The following PSMD13 variants were observed in gnomAD, a reference collection of about 807,000 sequenced individuals.
PSMD13 encodes proteasome 26S subunit, non-ATPase 13.
PSMD13 carries 8 observed loss-of-function variants against 57.4 expected under a neutral mutation model. That is an observed-to-expected ratio of 0.14 (90% confidence interval 0.08 to 0.25). The LOEUF (loss-of-function observed/expected upper bound fraction) is 0.25, where lower values mean the gene tolerates loss of function less well. PSMD13 is among the 10% of genes least tolerant of loss of function. PSMD13 has a pLI of 1.00. For synonymous variants in PSMD13, 193 were observed against 168.2 expected (o/e 1.15, Z -1.14); for missense variants, 400 against 461.5 (o/e 0.87, Z 1.22).
intron 2 of PSMD13, 55 bp downstream of exon 2, chr11:239,131 A>C: frequency 7.0e-7 from 1 of 1,423,598 alleles, no homozygotes; most frequent in Non-Finnish European, 9.9e-7. Context: ...AGGACTTTTG[A>C]AAATAAGATA....
At chr11:243,005 A>C (rs761965405) in intron 2 of PSMD13, 14 of 175,768 alleles carry the variant, frequency 8.0e-5, no homozygotes, top group Admixed American at 2.5e-4. Context: ...CATGTTGACC[A>C]GGATGGTTCC....
intron 1 of PSMD13, among the ~76,000 whole-genome samples, chr11:237,587 C>G (rs926241025): frequency 1.4e-4 from 21 of 152,208 alleles, no homozygotes; most frequent in East Asian, 7.7e-4. Flanking sequence ...GTAACTGTAT[C>G]TACAGTTATC....
intron 10 of PSMD13, 61 bp downstream of exon 10, chr11:250,926 C>G: frequency 7.0e-7 from 1 of 1,435,786 alleles, no homozygotes; most frequent in Non-Finnish European, 9.8e-7. Context: ...GGTGGGGGCG[C>G]TGCACTCTCC....
rs759898934 is a variant in PSMD13, at chr11:247,297, A to G, written c.417A>G (p.Glu139=). ...TATAGGAAACAATTGAAGATGTTGA[A>G]GAAATGCTCAACAACCTTCCTGGTG... is the stretch of plus-strand genomic sequence containing the variant. ...QVTKETIEDV[E]EMLNNLPGVT... is the part of the protein sequence containing the mutation. The change falls in exon 7 of 13, where the codon GAA becomes GAG. Residue 139 remains glutamate (E), a synonymous_variant. Coordinates refer to ENST00000532097, the MANE Select transcript of PSMD13 (RefSeq NM_002817.4). The G allele has an allele frequency of 6.2e-7, 1 of 1,612,810 alleles. No individual in the cohort carries two copies. Among genetic ancestry groups the G allele is most frequent in the Non-Finnish European group, 8.5e-7 (1 of 1,179,520 alleles).
intron 2 of PSMD13, chr11:243,621 A>T: frequency 2.7e-6 from 1 of 372,244 alleles, no homozygotes. Flanking sequence ...TAGGCTGGGG[A>T]CCACACGGCA....
Position 252,445 on chromosome 11 carries a change from C to CA in PSMD13, c.1036-60_1036-59insA. On this transcript the variant is annotated intron_variant, in intron 12 of 12. Transcript: ENST00000532097. The surrounding 1 kb of genome is among the most constrained non-coding windows in gnomAD (Gnocchi z 4.1). Reference sequence around the variant, plus strand: ...GTCACCCCATCAGGTGCTGTGCCGGCCGCTCGGCCTGTGTCTCCTGCGTGT... The same window carrying CA: ...GTCACCCCATCAGGTGCTGTGCCGGCACGCTCGGCCTGTGTCTCCTGCGTGT... The CA allele has an allele frequency of 3.3e-6, 5 of 1,530,132 alleles. No homozygotes were observed. The South Asian group carries it at 5.6e-5, about 17-fold the overall frequency. 94.8% of individuals were successfully genotyped at this position (1,530,132 alleles called of 1,614,324 possible). A position where few individuals can be genotyped will look rare whatever the true frequency, so the allele number is the denominator to read the frequency against.
intron 7 of PSMD13, chr11:248,003 AC>A (rs1192170335): frequency 6.6e-6 from 1 of 152,628 alleles, no homozygotes; most frequent in East Asian, 1.9e-4. Flanking sequence ...CCAGTCCCTC[AC>A]TGTTACCTAA....
At chr11:247,628 T>A (rs1859679555) in intron 7 of PSMD13, 180 bp downstream of exon 7, 1 of 585,664 alleles carries the variant, frequency 1.7e-6, no homozygotes, top group Admixed American at 3.6e-5. Flanking sequence ...GGTCAGGAGT[T>A]CGAGACCAGC....
Position 252,475 on chromosome 11 carries a change from A to ACGT in PSMD13, c.1036-28_1036-26dup. 6.2e-7 allele frequency: 1 copy of ACGT among 1,609,600 alleles called. No homozygotes were observed. On this transcript the variant is annotated intron_variant, in intron 12 of 12. Transcript: ENST00000532097. This position sits in a 1 kb window ranked among gnomAD's most constrained non-coding sequence, Gnocchi z 4.1. Reference sequence around the variant, plus strand: ...CGGCCTGTGTCTCCTGCGTGTCTTAACGTCCCTTGTGTCCGGATTTCCATT... The same window carrying ACGT: ...CGGCCTGTGTCTCCTGCGTGTCTTAACGTCGTCCCTTGTGTCCGGATTTCCATT...
chr11:249,411 G>A (rs1859724991), intron 9 of PSMD13, among the ~76,000 whole-genome samples: 1 of 152,156 alleles, frequency 6.6e-6, no homozygotes, highest in Middle Eastern at 3.4e-3. Context: ...ACTCAGCGGA[G>A]AAAACGGAAA....
chr11:243,552 C>T, intron 2 of PSMD13: 1 of 353,176 alleles, frequency 2.8e-6, no homozygotes, highest in Non-Finnish European at 5.5e-6. Context: ...CACCTTCCTT[C>T]CACAGTGGTC....
Position 252,441 on chromosome 11 carries a change from C to G in PSMD13, c.1036-64C>G, listed in dbSNP as rs2133994332. On this transcript the variant is annotated intron_variant, in intron 12 of 12. Coordinates refer to ENST00000532097, the MANE Select transcript of PSMD13 (RefSeq NM_002817.4). This position sits in a 1 kb window ranked among gnomAD's most constrained non-coding sequence, Gnocchi z 4.1. ...TAGAGTCACCCCATCAGGTGCTGTG[C>G]CGGCCGCTCGGCCTGTGTCTCCTGC... 11 of 1,498,992 alleles carry G rather than the reference C, an allele frequency of 7.3e-6. No individual in the cohort carries two copies. The highest frequency in any genetic ancestry group is 1.0e-5 in the Non-Finnish European group (11 of 1,076,904). The allele number at this position is 1,498,992 out of a possible 1,614,324, so 92.9% of individuals were successfully genotyped here.
Position 244,489 on chromosome 11 carries a change from A to G in PSMD13, c.309+20A>G, listed in dbSNP as rs941076101. 6.6e-6 allele frequency: 10 copies of G among 1,504,404 alleles called. No homozygotes were observed. The African/African-American group carries it at 2.4e-4, about 36-fold the overall frequency. The allele number at this position is 1,504,404 out of a possible 1,614,324, so 93.2% of individuals were successfully genotyped here. A position where few individuals can be genotyped will look rare whatever the true frequency, so the allele number is the denominator to read the frequency against. On this transcript the variant is annotated intron_variant, in intron 5 of 12. Transcript: ENST00000532097. ...GAGAAGGTAAATGTGGCATGTGGGC[A>G]ATACCTTTTAGTACCTTTTAGAGTA... is the stretch of plus-strand genomic sequence containing the variant.
At chr11:240,441 G>C (rs1007581456) in intron 2 of PSMD13, among the ~76,000 whole-genome samples, 2 of 152,078 alleles carry the variant, frequency 1.3e-5, no homozygotes, top group Non-Finnish European at 2.9e-5. Flanking sequence ...TGTTCCCTAA[G>C]GTTCTAAATC....
At chr11:244,401 C>A in intron 4 of PSMD13, 25 bp from the exon 5 acceptor site, 4 of 1,605,098 alleles carry the variant, frequency 2.5e-6, no homozygotes, top group African/African-American at 1.3e-5. Context: ...GTTGATGGTC[C>A]TTCTGATTGT....
At position 252,094 on chromosome 11, in the gene PSMD13, C is replaced by G; in HGVS notation, c.1035+158C>G. The G allele has an allele frequency of 1.5e-6, 1 of 685,832 alleles. No homozygotes were observed. The highest frequency in any genetic ancestry group is 2.7e-5 in the East Asian group (1 of 37,066). 42.5% of individuals were successfully genotyped at this position (685,832 alleles called of 1,614,324 possible). On this transcript the variant is annotated intron_variant, in intron 12 of 12. Coordinates refer to ENST00000532097, the MANE Select transcript of PSMD13 (RefSeq NM_002817.4). This position sits in a 1 kb window ranked among gnomAD's most constrained non-coding sequence, Gnocchi z 4.1. ...ACTGCTGTTGGGTTTTTCTAAGAGC[C>G]TAATTTAATGCAAGCCTAGGGTTTG... is the stretch of plus-strand genomic sequence containing the variant.
At chr11:239,159 A>G in intron 2 of PSMD13, 83 bp downstream of exon 2, 2 of 1,250,018 alleles carry the variant, frequency 1.6e-6, no homozygotes, top group Non-Finnish European at 2.4e-6. Context: ...TGCTAATAAT[A>G]ATAATAAGCT....
chr11:244,385 C>A, intron 4 of PSMD13, 41 bp from the exon 5 acceptor site: 1 of 1,597,500 alleles, frequency 6.3e-7, no homozygotes, highest in Non-Finnish European at 8.6e-7. Flanking sequence ...TAGCAGAAAC[C>A]AGTCTGTTGA....
chr11:251,258 T>C lies in PSMD13; in HGVS notation c.838-288T>C. 2.2e-6 allele frequency: 1 copy of C among 464,210 alleles called. No individual in the cohort carries two copies. The highest frequency in any genetic ancestry group is 3.9e-6 in the Non-Finnish European group (1 of 259,084). The allele number at this position is 464,210 out of a possible 1,614,324, so 28.8% of individuals were successfully genotyped here. The stretch of plus-strand genomic sequence containing the variant: ...TGGCCCTTAGATTTCTGGTTTGCCG[T>C]GGTCACCCCTGGTCAACCCTGGCAA... On this transcript the variant is annotated intron_variant, in intron 10 of 12. Coordinates refer to ENST00000532097, the MANE Select transcript of PSMD13 (RefSeq NM_002817.4). The surrounding 1 kb of genome is among the most constrained non-coding windows in gnomAD (Gnocchi z 4.6).
Sources: gnomAD v4.1 joint callset for allele counts (sites outside exome capture counted in the v4.1 genomes callset) on GRCh38, gnomAD v4.1.1 for gene constraint, Gnocchi (gnomAD v3.1) non-coding constraint, MANE v1.5 for transcripts, NCBI Gene and HGNC (gene_info 2026-07-23, HGNC 2026-07-21) for gene names.